SCAI: variants seen among roughly 807,000 people sequenced by gnomAD.
The protein encoded by SCAI is protein SCAI.
Under a neutral mutation model 92.2 loss-of-function variants are expected in SCAI, and 24 were observed. That is an observed-to-expected ratio of 0.26 (90% CI 0.19 to 0.37). The LOEUF (loss-of-function observed/expected upper bound fraction) is 0.37. Among genes scored for constraint, SCAI ranks in the 10% least tolerant of loss-of-function variants. The pLI is 1.00. For missense variants in SCAI, 450 were observed against 736.2 expected (o/e 0.61, Z 4.50); for synonymous variants, 261 against 258.6 (o/e 1.01, Z -0.09).
At chr9:125,009,026 TGA>T (rs1189338625) in intron 9 of SCAI, among the ~76,000 whole-genome samples, 1 of 151,824 alleles carries the variant, frequency 6.6e-6, no homozygotes, top group Non-Finnish European at 1.5e-5. Context: ...TCAACAGAAA[TGA>T]GAGAAGATAA....
At chr9:125,024,583 T>A (rs988142057) in intron 6 of SCAI, among the ~76,000 whole-genome samples, 1 of 152,088 alleles carries the variant, frequency 6.6e-6, no homozygotes, top group African/African-American at 2.4e-5. Context: ...CCATTTTTTT[T>A]AAGCTCTTAA....
chr9:124,993,888 T>C (rs962285619), intron 14 of SCAI, among the ~76,000 whole-genome samples: 3 of 152,206 alleles, frequency 2.0e-5, no homozygotes, highest in Non-Finnish European at 4.4e-5. Context: ...GTGGCAGATC[T>C]GTGCACCCAG....
intron 2 of SCAI, among the ~76,000 whole-genome samples, chr9:125,121,038 G>A (rs1440180958): frequency 6.6e-6 from 1 of 151,928 alleles, no homozygotes; most frequent in Non-Finnish European, 1.5e-5. Flanking sequence ...CATTATCCTA[G>A]CAACTACTAA....
At chr9:125,106,867 ATTTTT>A (rs3051151) in intron 2 of SCAI, among the ~76,000 whole-genome samples, 2 of 135,652 alleles carry the variant, frequency 1.5e-5, no homozygotes, top group African/African-American at 2.7e-5. Flanking sequence ...TGCCTGGTTA[ATTTTT>A]TTTTTTTTTT....
intron 2 of SCAI, among the ~76,000 whole-genome samples, chr9:125,133,850 T>G (rs1157597038): frequency 6.6e-6 from 1 of 152,238 alleles, no homozygotes; most frequent in Non-Finnish European, 1.5e-5. Context: ...TAATGACATT[T>G]TGAGCTGGGG....
chr9:125,047,723 A>G (rs947258948), intron 3 of SCAI, among the ~76,000 whole-genome samples: 1 of 152,222 alleles, frequency 6.6e-6, no homozygotes, highest in Admixed American at 6.5e-5. Context: ...TAAGCACTTG[A>G]ATGTAGTTAA....
intron 9 of SCAI, among the ~76,000 whole-genome samples, chr9:125,012,521 T>G (rs968232112): frequency 2.6e-5 from 4 of 152,104 alleles, no homozygotes; most frequent in African/African-American, 9.7e-5. Flanking sequence ...GCACCCAGAT[T>G]CATAAAGCAA....
intron 11 of SCAI, among the ~76,000 whole-genome samples, chr9:125,002,332 C>A (rs937357598): frequency 6.6e-6 from 1 of 152,138 alleles, no homozygotes; most frequent in Non-Finnish European, 1.5e-5. Flanking sequence ...ATCCTGACTA[C>A]ATGGCTACAA....
At chr9:124,969,237 G>A (rs563684379) in intron 17 of SCAI, among the ~76,000 whole-genome samples, 46 of 152,188 alleles carry the variant, frequency 3.0e-4, no homozygotes, top group African/African-American at 1.0e-3. Flanking sequence ...GAGCCACTGC[G>A]CCTGGCCCAT....
chr9:125,075,705 A>G (rs939056351), intron 2 of SCAI, among the ~76,000 whole-genome samples: 3 of 151,960 alleles, frequency 2.0e-5, no homozygotes, highest in Non-Finnish European at 2.9e-5. Context: ...AGCTGGGATT[A>G]CAGGCATGTG....
intron 2 of SCAI, among the ~76,000 whole-genome samples, chr9:125,099,157 T>C (rs1056316661): frequency 8.5e-5 from 13 of 152,212 alleles, no homozygotes; most frequent in African/African-American, 2.9e-4. Flanking sequence ...TGGCATCCTT[T>C]AGGAATTTTA....
At chr9:125,057,721 T>C (rs1588184623) in intron 2 of SCAI, among the ~76,000 whole-genome samples, 1 of 152,174 alleles carries the variant, frequency 6.6e-6, no homozygotes, top group South Asian at 2.1e-4. Flanking sequence ...GCAGGGAAAG[T>C]AGGAGCCTGA....
At position 124,971,783 on chromosome 9, in the gene SCAI, T is replaced by C. The variant is rs375003657; in HGVS notation, c.1461A>G (p.Leu487=). ...LFLNNPLMAF[L]FVSGLSSMRR... ...GCATGCTTGACAATCCAGAGACAAA[T>C]AGGAAGGCCATTAGAGGATTGTTCA... The change falls in exon 16 of 18, where the codon CTA becomes CTG. Residue 487 remains leucine (L), a synonymous_variant. Transcript: ENST00000336505. The C allele has an allele frequency of 5.1e-5, 82 of 1,611,766 alleles. No homozygotes were observed. The highest frequency in any genetic ancestry group is 6.7e-5 in the East Asian group (3 of 44,834).
At chr9:124,964,365 T>C (rs943350813) in intron 17 of SCAI, among the ~76,000 whole-genome samples, 1 of 152,178 alleles carries the variant, frequency 6.6e-6, no homozygotes, top group African/African-American at 2.4e-5. Context: ...ACATCCACAA[T>C]CTCTTTCATG....
chr9:124,972,546 T>C (rs528918012), intron 15 of SCAI, among the ~76,000 whole-genome samples: 1 of 152,212 alleles, frequency 6.6e-6, no homozygotes, highest in African/African-American at 2.4e-5. Context: ...CTGTTTTTGA[T>C]ATAGGTAATA....
intron 2 of SCAI, among the ~76,000 whole-genome samples, chr9:125,119,094 C>A (rs566296936): frequency 6.6e-6 from 1 of 152,098 alleles, no homozygotes; most frequent in Non-Finnish European, 1.5e-5. Flanking sequence ...TTACCTAAGC[C>A]CACAAATTGA....
intron 2 of SCAI, among the ~76,000 whole-genome samples, chr9:125,124,705 T>C (rs1835225160): frequency 6.6e-6 from 1 of 152,200 alleles, no homozygotes; most frequent in Non-Finnish European, 1.5e-5. Context: ...TAAGATAATG[T>C]TTGACCAAAT....
intron 2 of SCAI, among the ~76,000 whole-genome samples, chr9:125,082,261 CCA>C (rs1444545094): frequency 6.6e-6 from 1 of 152,184 alleles, no homozygotes; most frequent in Non-Finnish European, 1.5e-5. Flanking sequence ...TTGGGTGCTT[CCA>C]CATGGTGTTG....
chr9:125,083,757 A>T (rs1834267149), intron 2 of SCAI, among the ~76,000 whole-genome samples: 1 of 152,166 alleles, frequency 6.6e-6, no homozygotes, highest in South Asian at 2.1e-4. Context: ...GTGCTAGAAC[A>T]TGGCAGTGAA....
Sources: allele counts gnomAD v4.1 joint callset (sites outside exome capture counted in the v4.1 genomes callset), GRCh38; gene constraint gnomAD v4.1.1; transcripts MANE v1.5; gene names NCBI Gene and HGNC (gene_info 2026-07-23, HGNC 2026-07-21).